The following LOC400499 variants were observed in gnomAD, a reference collection of about 807,000 sequenced individuals.
chr16:11,396,471 A>T, the LOC400499 span: 1 of 1,231,914 alleles, frequency 8.1e-7, no homozygotes, highest in Non-Finnish European at 1.0e-6. Context: ...ATGCCGGGAT[A>T]TCTTTCCCAG....
chr16:11,461,156 C>G, the LOC400499 span: 1 of 1,508,486 alleles, frequency 6.6e-7, no homozygotes, highest in South Asian at 1.2e-5. Flanking sequence ...AGAGGGTCAG[C>G]CCCCAGGGAC....
the LOC400499 span, among the ~76,000 whole-genome samples, chr16:11,481,037 T>C: frequency 2.0e-5 from 3 of 152,238 alleles, no homozygotes; most frequent in Non-Finnish European, 2.9e-5. Context: ...AATGGAGTAC[T>C]GAGCTACGCT....
chr16:11,491,817 G>A, the LOC400499 span: 2 of 398,856 alleles, frequency 5.0e-6, no homozygotes, highest in African/African-American at 2.1e-5. Context: ...CTCCTCCAGG[G>A]ATTGGTATAG....
chr16:11,396,799 A>C, the LOC400499 span: 19 of 766,888 alleles, frequency 2.5e-5, no homozygotes, highest in South Asian at 1.4e-4. Flanking sequence ...GTCGCAGCTC[A>C]CAGCTGACCT....
the LOC400499 span, among the ~76,000 whole-genome samples, chr16:11,463,349 C>G: frequency 1.3e-5 from 2 of 149,314 alleles, no homozygotes; most frequent in African/African-American, 4.9e-5. Flanking sequence ...ACTTAATGCT[C>G]TCTGTCCCCG....
chr16:11,417,736 T>C, the LOC400499 span: 2 of 398,994 alleles, frequency 5.0e-6, no homozygotes, highest in Admixed American at 4.4e-5. Context: ...CAGGTGCCCA[T>C]CATGGTAATA....
the LOC400499 span, among the ~76,000 whole-genome samples, chr16:11,443,675 T>C: frequency 1.3e-3 from 200 of 152,076 alleles, 2 homozygotes; most frequent in East Asian, 5.2e-3. Context: ...AGCCACTGCA[T>C]AGAGATGAGT....
chr16:11,384,395 C>T, the LOC400499 span: 1 of 859,742 alleles, frequency 1.2e-6, no homozygotes. Context: ...AGCCCTGCTG[C>T]CTCAGGACCT....
the LOC400499 span, chr16:11,392,823 A>AC: frequency 6.1e-6 from 6 of 979,774 alleles, no homozygotes; most frequent in Non-Finnish European, 7.3e-6. Context: ...GGAACACATC[A>AC]CCCCCTACCC....
chr16:11,439,577 G>A, the LOC400499 span: 3 of 399,040 alleles, frequency 7.5e-6, no homozygotes, highest in South Asian at 1.3e-4. Context: ...CAGCTGGACC[G>A]AGGCCTGTTG....
the LOC400499 span, among the ~76,000 whole-genome samples, chr16:11,463,046 T>C: frequency 0.012 from 1,775 of 152,280 alleles, 12 homozygotes; most frequent in South Asian, 0.026. Context: ...TTTCTTACAG[T>C]ACAACCCAAA....
chr16:11,445,165 A>G, the LOC400499 span, among the ~76,000 whole-genome samples: 1 of 152,012 alleles, frequency 6.6e-6, no homozygotes, highest in Non-Finnish European at 1.5e-5. Flanking sequence ...GTGCAGCGGT[A>G]ATCCCAGCAC....
chr16:11,462,035 G>T, the LOC400499 span: 1 of 1,229,750 alleles, frequency 8.1e-7, no homozygotes, highest in Non-Finnish European at 1.1e-6. Context: ...CTGCAGTGAT[G>T]AGGACCATAA....
chr16:11,413,400 G>A, the LOC400499 span, among the ~76,000 whole-genome samples: 2 of 152,186 alleles, frequency 1.3e-5, no homozygotes, highest in Non-Finnish European at 2.9e-5. Context: ...ACTGGGGCAG[G>A]GGTTGCTGGG....
chr16:11,477,768 G>A, the LOC400499 span: 1 of 398,246 alleles, frequency 2.5e-6, no homozygotes, highest in Non-Finnish European at 4.4e-6. Context: ...GCAGCCCTCT[G>A]TAGGGATGGG....
the LOC400499 span, among the ~76,000 whole-genome samples, chr16:11,465,686 T>C: frequency 8.6e-5 from 13 of 151,726 alleles, no homozygotes; most frequent in African/African-American, 2.9e-4. Flanking sequence ...GGCAAGAGGA[T>C]CGCTTGAGCC....
At chr16:11,484,352 T>C in the LOC400499 span, among the ~76,000 whole-genome samples, 884 of 152,246 alleles carry the variant, frequency 5.8e-3, 18 homozygotes, top group African/African-American at 0.02. Context: ...TTGGGAGTGA[T>C]GGGTATGTTC....
At chr16:11,386,853 G>A in the LOC400499 span, among the ~76,000 whole-genome samples, 12 of 152,330 alleles carry the variant, frequency 7.9e-5, 1 homozygote, top group South Asian at 2.1e-4. Context: ...GAGGGCTGCC[G>A]TCTTCTCCAG....
chr16:11,521,974 C>A, the LOC400499 span: 1 of 399,178 alleles, frequency 2.5e-6, no homozygotes, highest in Non-Finnish European at 4.4e-6. Flanking sequence ...CTGGCACAGG[C>A]CAAGCACATC....
Sources: allele counts gnomAD v4.1 joint callset (sites outside exome capture counted in the v4.1 genomes callset), GRCh38; gene constraint gnomAD v4.1.1; transcripts MANE v1.5.